The following ARFGAP3 variants were observed in gnomAD, a reference collection of about 807,000 sequenced individuals.
ARFGAP3 encodes ARF GTPase activating protein 3, also known as ADP-ribosylation factor GTPase-activating protein 3.
ARFGAP3 carries 72 observed loss-of-function variants against 75.0 expected under a neutral mutation model. The observed-to-expected ratio is 0.96, with a 90% CI of 0.79 to 1.17. ARFGAP3 has a LOEUF of 1.17. ARFGAP3 is among the 50% of genes most tolerant of loss of function. The pLI is 0.00. For synonymous variants in ARFGAP3, 221 were observed against 217.9 expected (o/e 1.01, Z -0.13); for missense variants, 620 against 626.6 (o/e 0.99, Z 0.11).
chr22:42,853,445 T>C, intron 1 of ARFGAP3: 1 of 220,850 alleles, frequency 4.5e-6, no homozygotes, highest in Middle Eastern at 7.1e-4. Context: ...AACAAGGGAA[T>C]CTGCTGGCCA....
intron 9 of ARFGAP3, among the ~76,000 whole-genome samples, chr22:42,821,192 C>A (rs1236952950): frequency 1.3e-5 from 2 of 152,204 alleles, no homozygotes; most frequent in Non-Finnish European, 2.9e-5. Context: ...GTCACAGAGT[C>A]CAACAGGGCT....
At chr22:42,852,552 G>C (rs1424296562) in intron 1 of ARFGAP3, among the ~76,000 whole-genome samples, 1 of 151,478 alleles carries the variant, frequency 6.6e-6, no homozygotes, top group Admixed American at 6.6e-5. Flanking sequence ...GTAGAGATGG[G>C]GTTTCACCAT....
At chr22:42,799,626 T>C (rs915029504) in intron 14 of ARFGAP3, among the ~76,000 whole-genome samples, 5 of 152,228 alleles carry the variant, frequency 3.3e-5, no homozygotes, top group African/African-American at 1.2e-4. Flanking sequence ...TCCACAGGCA[T>C]GGGCACATGA....
intron 1 of ARFGAP3, among the ~76,000 whole-genome samples, chr22:42,851,127 G>A (rs959101872): frequency 2.0e-5 from 3 of 152,222 alleles, no homozygotes; most frequent in Non-Finnish European, 4.4e-5. Context: ...ACCATCAAGT[G>A]TACCTGGCAC....
At chr22:42,851,913 C>T (rs369476576) in intron 1 of ARFGAP3, among the ~76,000 whole-genome samples, 3 of 152,296 alleles carry the variant, frequency 2.0e-5, no homozygotes, top group African/African-American at 2.4e-5. Flanking sequence ...CCTAACAACG[C>T]TTTCATTAGT....
rs113608326 is a variant in ARFGAP3 at position 42,834,672 on chromosome 22, G to A, written c.394-347C>T. On this transcript the variant is annotated intron_variant, in intron 4 of 15. Transcript: ENST00000263245. ...AATCTACCTACTTGCTAAAATTTACGTTTAACCCAAAATTAGTCCTCGTGG... is the reference window on the plus strand; with the variant it reads ...AATCTACCTACTTGCTAAAATTTACATTTAACCCAAAATTAGTCCTCGTGG... Among the ~76,000 whole-genome samples, 1,159 of 152,182 alleles carry A rather than the reference G, an allele frequency of 7.6e-3. 19 individuals carry two copies. The highest frequency in any genetic ancestry group is 0.027 in the African/African-American group (1,114 of 41,520).
intron 1 of ARFGAP3, among the ~76,000 whole-genome samples, chr22:42,848,936 C>T (rs905439919): frequency 2.6e-5 from 4 of 152,326 alleles, no homozygotes; most frequent in Middle Eastern, 3.4e-3. Context: ...CTGTCTCCCC[C>T]ACTCTCTTTT....
At chr22:42,833,212 C>A (rs974254361) in intron 5 of ARFGAP3, among the ~76,000 whole-genome samples, 1 of 152,144 alleles carries the variant, frequency 6.6e-6, no homozygotes, top group Non-Finnish European at 1.5e-5. Context: ...CTTTTACCTG[C>A]ATTAACTCAT....
chr22:42,797,239 CCT>C lies in ARFGAP3; in HGVS notation c.*347_*348del, dbSNP rs1309987968. On this transcript the variant is annotated 3_prime_UTR_variant, in exon 16 of 16. Coordinates refer to ENST00000263245, the MANE Select transcript of ARFGAP3 (RefSeq NM_014570.5). ...CCTGAGCCCATGTGTCACATGGAGA[CCT>C]CTCCTCCTCCCCCACATGAAGCCTC... 2.4e-5 allele frequency: 7 copies of C among 287,174 alleles called. No homozygotes were observed. Among genetic ancestry groups the C allele is most frequent in the Non-Finnish European group, 3.9e-5 (6 of 153,020 alleles). 17.8% of individuals were successfully genotyped at this position (287,174 alleles called of 1,614,324 possible). A position where few individuals can be genotyped will look rare whatever the true frequency, so the allele number is the denominator to read the frequency against.
chr22:42,847,731 T>A (rs1927082552), intron 1 of ARFGAP3, 99 bp from the exon 2 acceptor site: 1 of 1,400,582 alleles, frequency 7.1e-7, no homozygotes, highest in African/African-American at 1.5e-5. Context: ...TGTTTAACCT[T>A]TACAATGTAA....
Position 42,833,414 on chromosome 22 carries a change from A to G in ARFGAP3, c.477+828T>C, listed in dbSNP as rs750907856. Among the ~76,000 whole-genome samples, 13 of 152,314 alleles carry G rather than the reference A, an allele frequency of 8.5e-5. No homozygotes were observed. The East Asian group carries it at 2.1e-3, about 25-fold the overall frequency. ...GCAACTAAATTCCAGCTCATAGGAC[A>G]TAAGTAGAAGGGATGGGAGCTCCCT... On this transcript the variant is annotated intron_variant, in intron 5 of 15. Transcript: ENST00000263245.
At position 42,829,127 on chromosome 22, in the gene ARFGAP3, C is replaced by T. The variant is rs373299268; in HGVS notation, c.566-2128G>A. On this transcript the variant is annotated intron_variant, in intron 6 of 15. Transcript: ENST00000263245. ...TTCTTCTCTTCTCTCTGATTGATAACGGTAAATCAATCAATGGCTCAGGTA... is the reference window on the plus strand; with the variant it reads ...TTCTTCTCTTCTCTCTGATTGATAATGGTAAATCAATCAATGGCTCAGGTA... 3.9e-4 allele frequency among the ~76,000 whole-genome samples: 59 copies of T among 152,156 alleles called. 1 individual carries two copies. Among genetic ancestry groups the T allele is most frequent in the Non-Finnish European group, 1.3e-4 (9 of 68,032 alleles).
chr22:42,798,807 A>T (rs886794182), intron 15 of ARFGAP3, among the ~76,000 whole-genome samples: 1 of 152,236 alleles, frequency 6.6e-6, no homozygotes, highest in African/African-American at 2.4e-5. Context: ...AAAAAACTGG[A>T]CAATGGTCAT....
intron 11 of ARFGAP3, among the ~76,000 whole-genome samples, chr22:42,811,382 A>C (rs977950906): frequency 1.3e-5 from 2 of 152,232 alleles, no homozygotes; most frequent in Non-Finnish European, 2.9e-5. Context: ...CAGACAACAC[A>C]GGGCATCTTT....
chr22:42,818,484 T>C (rs2146542736), intron 9 of ARFGAP3, among the ~76,000 whole-genome samples: 1 of 152,288 alleles, frequency 6.6e-6, no homozygotes, highest in South Asian at 2.1e-4. Flanking sequence ...TAAAATCAAA[T>C]ATCTGCTACA....
At chr22:42,831,140 T>A (rs559100169) in intron 6 of ARFGAP3, among the ~76,000 whole-genome samples, 1 of 151,860 alleles carries the variant, frequency 6.6e-6, no homozygotes, top group Non-Finnish European at 1.5e-5. Context: ...TTGCAAAAAT[T>A]AGCCAGATGT....
intron 7 of ARFGAP3, among the ~76,000 whole-genome samples, chr22:42,824,315 CT>C (rs1251651643): frequency 6.6e-6 from 1 of 150,962 alleles, no homozygotes; most frequent in African/African-American, 2.4e-5. Flanking sequence ...CATGCCACAA[CT>C]CTTTTATCAA....
At chr22:42,848,410 G>A (rs1208078888) in intron 1 of ARFGAP3, among the ~76,000 whole-genome samples, 1 of 152,008 alleles carries the variant, frequency 6.6e-6, no homozygotes, top group African/African-American at 2.4e-5. Flanking sequence ...GGGTTTCACC[G>A]TGTTAGCCAG....
At chr22:42,832,006 C>T (rs568254039) in intron 5 of ARFGAP3, among the ~76,000 whole-genome samples, 2 of 152,134 alleles carry the variant, frequency 1.3e-5, no homozygotes, top group African/African-American at 2.4e-5. Context: ...TCGTCTCAAA[C>T]GCCTGGGCTC....
Sources: allele counts gnomAD v4.1 joint callset (sites outside exome capture counted in the v4.1 genomes callset), GRCh38; gene constraint gnomAD v4.1.1; transcripts MANE v1.5; gene names NCBI Gene and HGNC (gene_info 2026-07-23, HGNC 2026-07-21).